Variants in ANKRD44 observed in about 807,000 individuals in gnomAD.
ANKRD44 encodes the protein ankyrin repeat domain 44.
In ANKRD44, 35 loss-of-function variants were observed where a neutral mutation model predicts 116.0. The observed-to-expected ratio is 0.30, with a 90% CI of 0.23 to 0.40. ANKRD44 has a LOEUF of 0.40. ANKRD44 is among the 10% of genes least tolerant of loss of function. The pLI, the probability that ANKRD44 is intolerant of heterozygous loss-of-function variation, is 1.00. For missense variants in ANKRD44, 1,014 were observed against 1,242.6 expected (o/e 0.82, Z 2.77); for synonymous variants, 435 against 461.8 (o/e 0.94, Z 0.74).
intron 21 of ANKRD44, among the ~76,000 whole-genome samples, chr2:196,976,552 T>A (rs1160375491): frequency 1.3e-5 from 2 of 151,976 alleles, no homozygotes; most frequent in African/African-American, 2.4e-5. Context: ...ATGTAGAAAA[T>A]TTTTCTTACA....
At position 197,242,405 on chromosome 2, in the gene ANKRD44, C is replaced by T. The variant is rs969286718; in HGVS notation, c.28-55299G>A. ...CCAAAGGAAAACCACGTTCAATATG[C>T]TTGATCCTAAGGCTCCCCACATTTC... is the stretch of plus-strand genomic sequence containing the variant. On this transcript the variant is annotated intron_variant, in intron 1 of 27. Coordinates refer to ENST00000282272, the MANE Select transcript of ANKRD44 (RefSeq NM_001195144.2). Among the ~76,000 whole-genome samples the T allele has an allele frequency of 6.6e-5, 10 of 152,154 alleles. 1 individual carries two copies. Among genetic ancestry groups the T allele is most frequent in the South Asian group, 2.1e-4 (1 of 4,834 alleles).
At chr2:197,273,980 A>AAT (rs1164251927) in intron 1 of ANKRD44, among the ~76,000 whole-genome samples, 79 of 43,902 alleles carry the variant, frequency 1.8e-3, no homozygotes, top group African/African-American at 6.9e-3. Context: ...AAAAAAAAAA[A>AAT]ATATATATAT....
intron 1 of ANKRD44, among the ~76,000 whole-genome samples, chr2:197,269,410 G>A (rs142451634): frequency 0.014 from 2,094 of 152,278 alleles, 17 homozygotes; most frequent in Non-Finnish European, 0.02. Context: ...CACCTCAGGA[G>A]CAAAGATGGC....
chr2:197,118,637 G>GAGAAAGAAAGAAAGAAAGAAAGAAAGAA (rs71012953), intron 8 of ANKRD44, among the ~76,000 whole-genome samples: 6 of 112,438 alleles, frequency 5.3e-5, no homozygotes, highest in South Asian at 3.0e-4. Flanking sequence ...GAGAGAGAGA[G>GAGAAAGAAAGAAAGAAAGAAAGAAAGAA]AGAAAGAAAG....
chr2:197,006,441 T>A (rs1441729249), intron 20 of ANKRD44, among the ~76,000 whole-genome samples: 3 of 152,000 alleles, frequency 2.0e-5, no homozygotes, highest in Non-Finnish European at 4.4e-5. Context: ...CAAGACTCCA[T>A]CTCAAAAAGA....
chr2:197,284,688 C>A (rs1487741848), intron 1 of ANKRD44, among the ~76,000 whole-genome samples: 1 of 152,002 alleles, frequency 6.6e-6, no homozygotes, highest in Non-Finnish European at 1.5e-5. Context: ...GAGTTCGAGA[C>A]CAGCCTGGCC....
At position 196,987,301 on chromosome 2, in the gene ANKRD44, C is replaced by G; in HGVS notation, c.*2290G>C. 1 of 985,234 alleles carries G rather than the reference C, an allele frequency of 1.0e-6. No individual in the cohort carries two copies. Among genetic ancestry groups the G allele is most frequent in the Non-Finnish European group, 1.2e-6 (1 of 829,782 alleles). 61.0% of individuals were successfully genotyped at this position (985,234 alleles called of 1,614,324 possible). ...ACAAGGGGAAATAGGAAAAAAGACA[C>G]TTTATACATTCAAAGAAAAGTTGAA... On this transcript the variant is annotated 3_prime_UTR_variant, in exon 28 of 28. Coordinates refer to ENST00000282272, the MANE Select transcript of ANKRD44 (RefSeq NM_001195144.2).
intron 2 of ANKRD44, among the ~76,000 whole-genome samples, chr2:197,162,656 C>G (rs1359131030): frequency 1.3e-5 from 2 of 152,178 alleles, no homozygotes; most frequent in Admixed American, 1.3e-4. Context: ...CTCAAGTGTC[C>G]TTTCCTCTGA....
chr2:197,301,207 T>A (rs1052215688), intron 1 of ANKRD44: 6 of 152,268 alleles, frequency 3.9e-5, no homozygotes, highest in Non-Finnish European at 7.3e-5. Flanking sequence ...TTCTGTCTGG[T>A]TTCTATTTTA....
At chr2:197,015,677 G>A (rs1272791931) in intron 17 of ANKRD44, 5 of 557,976 alleles carry the variant, frequency 9.0e-6, no homozygotes, top group African/African-American at 1.9e-5. Context: ...GGAGGTGATG[G>A]TGGGTGTAAT....
intron 1 of ANKRD44, among the ~76,000 whole-genome samples, chr2:197,213,342 C>G (rs1490214740): frequency 2.0e-5 from 3 of 152,190 alleles, no homozygotes; most frequent in Non-Finnish European, 4.4e-5. Context: ...ATCTTCCAAC[C>G]AGTTTTCTGG....
At chr2:197,286,367 T>C (rs1220306383) in intron 1 of ANKRD44, among the ~76,000 whole-genome samples, 1 of 133,312 alleles carries the variant, frequency 7.5e-6, no homozygotes, top group African/African-American at 2.8e-5. Flanking sequence ...CTACTTCTTC[T>C]ACTTTTTTTT....
In ANKRD44 at chr2:197,013,592, A is replaced by G; in HGVS notation, c.1843T>C (p.Cys615Arg). Reference protein sequence around the residue: ...DLAAFKGHTECVEALINQGAS... With the variant: ...DLAAFKGHTERVEALINQGAS... ...CCCTGATTGATAAGCGCTTCCACAC[A>G]TTCTGTGTGTCCTTTAAAGGCAGCC... The change falls in exon 18 of 28, where the codon TGT (cysteine) becomes CGT (arginine). Residue 615 changes from cysteine (C) to arginine (R), a missense_variant. Physicochemically the swap from Cys to Arg is radical, Grantham distance 180. Transcript: ENST00000282272. The G allele has an allele frequency of 1.2e-6, 2 of 1,614,184 alleles. No individual in the cohort carries two copies. The highest frequency in any genetic ancestry group is 1.7e-6 in the Non-Finnish European group (2 of 1,180,042).
intron 1 of ANKRD44, among the ~76,000 whole-genome samples, chr2:197,307,612 T>C (rs2195507): frequency 0.67 from 99,518 of 149,610 alleles, 33,696 homozygotes; most frequent in African/African-American, 0.77. Context: ...TTTACTCTCC[T>C]GAAAAAAAAA....
intron 1 of ANKRD44, chr2:197,251,000 A>C (rs1333467864): frequency 6.6e-6 from 1 of 152,252 alleles, no homozygotes; most frequent in Non-Finnish European, 1.5e-5. Flanking sequence ...ATGCTAAGAA[A>C]GAAGAAAAAC....
Position 196,995,412 on chromosome 2 carries a change from C to T in ANKRD44, c.2798G>A (p.Ser933Asn). The change falls in exon 26 of 28, where the codon AGC becomes AAC. Residue 933 changes from serine (S) to asparagine (N), a missense_variant. Transcript: ENST00000282272. ...LLILDKIQDE[S>N]LINEKNNALQ... ...TGCATTATTTTTTTCATTAATAAGG[C>T]TCTCGTCTTGTATCTTGTCAAGTAT... is the stretch of plus-strand genomic sequence containing the variant. 6.2e-7 allele frequency: 1 copy of T among 1,612,338 alleles called. No homozygotes were observed. The highest frequency in any genetic ancestry group is 2.2e-5 in the East Asian group (1 of 44,844).
intron 1 of ANKRD44, among the ~76,000 whole-genome samples, chr2:197,233,766 C>A (rs754797523): frequency 4.3e-4 from 65 of 152,232 alleles, no homozygotes; most frequent in Admixed American, 8.5e-4. Context: ...CACACTTCAA[C>A]TGTTCTAGCA....
intron 8 of ANKRD44, among the ~76,000 whole-genome samples, chr2:197,117,290 A>T (rs927501536): frequency 6.6e-6 from 1 of 152,012 alleles, no homozygotes; most frequent in Non-Finnish European, 1.5e-5. Flanking sequence ...CCCAGGCTGG[A>T]GTGCAGTGGT....
chr2:197,123,844 C>T (rs970257076), intron 6 of ANKRD44, among the ~76,000 whole-genome samples: 22 of 152,166 alleles, frequency 1.4e-4, no homozygotes, highest in Admixed American at 1.2e-3. Flanking sequence ...CTCTCCAAGA[C>T]TTTATATAGA....
Sources: gnomAD v4.1 joint callset for allele counts (sites outside exome capture counted in the v4.1 genomes callset) on GRCh38, gnomAD v4.1.1 for gene constraint, MANE v1.5 for transcripts, NCBI Gene and HGNC (gene_info 2026-07-23, HGNC 2026-07-21) for gene names.